AGO1: variants seen among roughly 807,000 people sequenced by gnomAD.
AGO1 encodes protein argonaute-1.
In AGO1, 11 loss-of-function variants were observed where a neutral mutation model predicts 109.2. That is an observed-to-expected ratio of 0.10 (90% confidence interval 0.06 to 0.17). The LOEUF (loss-of-function observed/expected upper bound fraction) is 0.17, where lower values mean the gene tolerates loss of function less well. Ranked by LOEUF, AGO1 falls within the 10% of genes least tolerant of loss-of-function variation. The pLI is 1.00. For missense variants in AGO1, 574 were observed against 1,140.3 expected, an observed-to-expected ratio of 0.50 and a Z score of 7.15; for synonymous variants, 422 against 418.6, an observed-to-expected ratio of 1.01 and a Z score of -0.10.
chr1:35,880,645 A>C (rs766205444), upstream of AGO1, among the ~76,000 whole-genome samples: 1 of 152,048 alleles, frequency 6.6e-6, no homozygotes, highest in African/African-American at 2.4e-5. Flanking sequence ...ACTGTTCTAA[A>C]GTGTTTTTGT....
chr1:35,899,296 G>A (rs181485075), intron 8 of AGO1, among the ~76,000 whole-genome samples: 3 of 152,252 alleles, frequency 2.0e-5, no homozygotes, highest in African/African-American at 7.2e-5. Flanking sequence ...TCTATCCATG[G>A]ATACTTGGGT....
chr1:35,875,238 T>C (rs1368351063), intron 1 of AGO1, among the ~76,000 whole-genome samples: 2 of 152,208 alleles, frequency 1.3e-5, no homozygotes, highest in Non-Finnish European at 2.9e-5. Flanking sequence ...GCTAACTCTT[T>C]TATTAGGGTC....
At chr1:35,879,431 A>G (rs1645017294), upstream of AGO1, among the ~76,000 whole-genome samples, 1 of 147,978 alleles carries the variant, frequency 6.8e-6, no homozygotes, top group Admixed American at 6.7e-5. Flanking sequence ...CTGGGCAACC[A>G]GAGCAAAACT....
chr1:35,919,677 C>T lies in AGO1; in HGVS notation c.*70C>T, dbSNP rs1369626433. 1.4e-6 allele frequency: 2 copies of T among 1,448,718 alleles called. No individual in the cohort carries two copies. The highest frequency in any genetic ancestry group is 1.9e-6 in the Non-Finnish European group (2 of 1,054,858). The allele number at this position is 1,448,718 out of a possible 1,614,324, so 89.7% of individuals were successfully genotyped here. ...GCCCCAGGAGCTGTGCCACCCAAAT[C>T]CAGAGGAAGCAAGGAGGAGGGAGGT... On this transcript the variant is annotated 3_prime_UTR_variant, in exon 19 of 19. Coordinates refer to ENST00000373204, the MANE Select transcript of AGO1 (RefSeq NM_012199.5). This position sits in a 1 kb window ranked among gnomAD's most constrained non-coding sequence, Gnocchi z 6.6.
In AGO1 at chr1:35,919,556, C is replaced by T. The variant is rs748808273; in HGVS notation, c.2523C>T (p.Ala841=). Residue 841 remains alanine (A), a synonymous_variant, in exon 19 of 19, where the codon GCC becomes GCT. Coordinates refer to ENST00000373204, the MANE Select transcript of AGO1 (RefSeq NM_012199.5). This position sits in a 1 kb window ranked among gnomAD's most constrained non-coding sequence, Gnocchi z 6.6. ...ATGGGCGGGACCCCCAGGCCCTGGC[C>T]AAAGCCGTGCAGGTTCACCAGGATA... ...QSNGRDPQAL[A]KAVQVHQDTL... The T allele has an allele frequency of 1.9e-6, 3 of 1,614,164 alleles. No homozygotes were observed. The highest frequency in any genetic ancestry group is 2.5e-6 in the Non-Finnish European group (3 of 1,180,016).
rs748752124 is a variant in AGO1, at chr1:35,892,720, G to A, written c.330+43G>A. 5.0e-6 allele frequency: 8 copies of A among 1,612,296 alleles called. No individual in the cohort carries two copies. The African/African-American group carries it at 8.0e-5, about 16-fold the overall frequency. On this transcript the variant is annotated intron_variant, in intron 3 of 18. Coordinates refer to ENST00000373204, the MANE Select transcript of AGO1 (RefSeq NM_012199.5). ...GCTAGGCCTGTGTCAGGGGTCTGGGGTAGAACCAAGCTCATGTAAGCCTCT... is the reference window on the plus strand; with the variant it reads ...GCTAGGCCTGTGTCAGGGGTCTGGGATAGAACCAAGCTCATGTAAGCCTCT...
chr1:35,893,058 A>G lies in AGO1; in HGVS notation c.331-39A>G. On this transcript the variant is annotated intron_variant, in intron 3 of 18. Transcript: ENST00000373204. This position sits in a 1 kb window ranked among gnomAD's most constrained non-coding sequence, Gnocchi z 5.6. ...GAGTTGGGGGTCATTCTCGCAGAGC[A>G]ATGGCAATCCTTCATCCCTTTCTTT... The G allele has an allele frequency of 6.3e-7, 1 of 1,590,524 alleles. No homozygotes were observed. The highest frequency in any genetic ancestry group is 8.6e-7 in the Non-Finnish European group (1 of 1,162,722).
chr1:35,891,020 TCTGC>T (rs1350679207), intron 2 of AGO1, among the ~76,000 whole-genome samples: 1 of 152,222 alleles, frequency 6.6e-6, no homozygotes, highest in Non-Finnish European at 1.5e-5. Flanking sequence ...CGTACTATCC[TCTGC>T]CTTTTTCAAT....
intron 11 of AGO1, among the ~76,000 whole-genome samples, chr1:35,902,999 C>CTT (rs899277604): frequency 4.5e-4 from 49 of 108,786 alleles, no homozygotes; most frequent in East Asian, 1.3e-3. Flanking sequence ...CACCTGGAGT[C>CTT]TTTTTTTTTT....
intron 3 of AGO1, 125 bp downstream of exon 3, chr1:35,892,802 AG>A: frequency 8.7e-7 from 1 of 1,151,070 alleles, no homozygotes; most frequent in Non-Finnish European, 1.3e-6. Context: ...TTTTAGGGTG[AG>A]GGGTGGGTAG....
chr1:35,900,971 G>A (rs866246291), intron 8 of AGO1, among the ~76,000 whole-genome samples: 4 of 151,600 alleles, frequency 2.6e-5, no homozygotes, highest in Non-Finnish European at 4.4e-5. Context: ...GATCACAAGC[G>A]GTTGAATTGC....
chr1:35,909,156 G>T (rs1209556558), intron 12 of AGO1, among the ~76,000 whole-genome samples: 3 of 152,090 alleles, frequency 2.0e-5, no homozygotes, highest in Non-Finnish European at 4.4e-5. Context: ...AAGACTTCTT[G>T]TGACTCTAAT....
At chr1:35,895,989 C>T (rs903338446) in intron 8 of AGO1, among the ~76,000 whole-genome samples, 2 of 151,990 alleles carry the variant, frequency 1.3e-5, no homozygotes, top group Admixed American at 1.3e-4. Flanking sequence ...CCACCCATAC[C>T]GACTGAATCA....
chr1:35,873,131 C>T (rs1212616410), intron 1 of AGO1: 2 of 151,608 alleles, frequency 1.3e-5, no homozygotes, highest in East Asian at 1.9e-4. Context: ...TTATCCTTGT[C>T]CTAAACAGTA....
chr1:35,892,655 C>G lies in AGO1; in HGVS notation c.308C>G (p.Ala103Gly), dbSNP rs998200306. ...AAGAAGAACATTTACACTGTCACAG[C>G]ACTGCCCATTGGCAACGAACGGGTA... ...DGKKNIYTVT[A>G]LPIGNERVDF... is the part of the protein sequence containing the mutation. The change falls in exon 3 of 19, where the codon GCA (alanine) becomes GGA (glycine). Residue 103 changes from alanine to glycine, a missense_variant. This residue lies in a region of AGO1 where 129 missense variants were observed against 243.0 expected (regional missense o/e 0.53). Coordinates refer to ENST00000373204, the MANE Select transcript of AGO1 (RefSeq NM_012199.5). The G allele has an allele frequency of 6.2e-7, 1 of 1,614,234 alleles. No homozygotes were observed.
In AGO1 at chr1:35,883,401, ACCTCC is replaced by A. The variant is rs1645062511; in HGVS notation, c.-20_-16del. 6.3e-6 allele frequency: 10 copies of A among 1,580,202 alleles called. No individual in the cohort carries two copies. The Admixed American group carries it at 1.6e-4, about 25-fold the overall frequency. ...GACTTCACAGTCTCCGGGCCGCCTG[ACCTCC>A]GCACGGGTATATGGGATGGAAGCGG... On this transcript the variant is annotated 5_prime_UTR_variant, in exon 1 of 19. Coordinates refer to ENST00000373204, the MANE Select transcript of AGO1 (RefSeq NM_012199.5). This position sits in a 1 kb window ranked among gnomAD's most constrained non-coding sequence, Gnocchi z 5.4.
At position 35,926,171 on chromosome 1, in the gene AGO1, T is replaced by G. The variant is rs958496568; in HGVS notation, c.*6564T>G. On this transcript the variant is annotated 3_prime_UTR_variant, in exon 19 of 19. Coordinates refer to ENST00000373204, the MANE Select transcript of AGO1 (RefSeq NM_012199.5). ...CTTAGCAGGGGGAATAGGAGGAGGA[T>G]GATTATGGCAAATTTTGCTATAAAC... 2.0e-5 allele frequency: 3 copies of G among 152,130 alleles called. No homozygotes were observed. The highest frequency in any genetic ancestry group is 2.9e-5 in the Non-Finnish European group (2 of 68,030). The allele number at this position is 152,130 out of a possible 1,614,324, so 9.4% of individuals were successfully genotyped here.
intron 14 of AGO1, 64 bp downstream of exon 14, chr1:35,914,338 C>G: frequency 3.7e-6 from 5 of 1,338,156 alleles, no homozygotes; most frequent in Non-Finnish European, 5.4e-6. Context: ...TCAAAACTGC[C>G]CATGATTTCC....
intron 8 of AGO1, among the ~76,000 whole-genome samples, chr1:35,898,003 C>A (rs1645348752): frequency 6.6e-6 from 1 of 152,114 alleles, no homozygotes; most frequent in African/African-American, 2.4e-5. Context: ...TGAAATAATA[C>A]AATATGTGGC....
Sources: gnomAD v4.1 joint callset for allele counts (sites outside exome capture counted in the v4.1 genomes callset) on GRCh38, gnomAD v4.1.1 for gene constraint, gnomAD v4.1.1 regional missense constraint, Gnocchi (gnomAD v3.1) non-coding constraint, MANE v1.5 for transcripts, NCBI Gene and HGNC (gene_info 2026-07-23, HGNC 2026-07-21) for gene names.